The following TRAK1 variants were observed in gnomAD, a reference collection of about 807,000 sequenced individuals.
The protein encoded by TRAK1 is trafficking kinesin protein 1, also known as trafficking kinesin-binding protein 1.
In TRAK1, 33 loss-of-function variants were observed where a neutral mutation model predicts 92.1. That is an observed-to-expected ratio of 0.36 (90% CI 0.27 to 0.48). TRAK1 has a LOEUF of 0.48. Among genes scored for constraint, TRAK1 ranks in the 20% least tolerant of loss-of-function variants. TRAK1 has a pLI of 0.99. For synonymous variants in TRAK1, 521 were observed against 517.3 expected, an observed-to-expected ratio of 1.01 and a Z score of -0.10; for missense variants, 1,123 against 1,257.9, an observed-to-expected ratio of 0.89 and a Z score of 1.62.
At chr3:42,081,692 G>A (rs543156107) in intron 1 of TRAK1, among the ~76,000 whole-genome samples, 3 of 152,276 alleles carry the variant, frequency 2.0e-5, no homozygotes, top group South Asian at 2.1e-4. Flanking sequence ...GGAAATGCTG[G>A]CATATGAATA....
At chr3:42,191,792 C>G (rs1358951816) in intron 7 of TRAK1, among the ~76,000 whole-genome samples, 156 bp downstream of exon 7, 1 of 151,936 alleles carries the variant, frequency 6.6e-6, no homozygotes, top group South Asian at 2.1e-4. Flanking sequence ...GTGTGGCACC[C>G]CCTCTCTATT....
intron 15 of TRAK1, among the ~76,000 whole-genome samples, chr3:42,221,159 T>G (rs535171268): frequency 8.0e-6 from 1 of 124,522 alleles, no homozygotes; most frequent in Non-Finnish European, 1.6e-5. Flanking sequence ...ACAAACAAAA[T>G]GGAAACAAAA....
chr3:42,082,687 A>G (rs1704494838), upstream of TRAK1, among the ~76,000 whole-genome samples: 1 of 152,146 alleles, frequency 6.6e-6, no homozygotes, highest in Non-Finnish European at 1.5e-5. Context: ...CCAAAATCAT[A>G]TTGATTTAAA....
chr3:42,113,887 C>T (rs75563240), intron 1 of TRAK1, among the ~76,000 whole-genome samples: 19,919 of 152,100 alleles, frequency 0.13, 1,623 homozygotes, highest in African/African-American at 0.23. Flanking sequence ...AGTTCAGTGG[C>T]GTTTAGTACA....
chr3:42,016,109 A>G (rs1003339569), intron 1 of TRAK1, among the ~76,000 whole-genome samples: 2 of 152,220 alleles, frequency 1.3e-5, no homozygotes, highest in South Asian at 2.1e-4. Flanking sequence ...ATTCACATTG[A>G]ATGGAGTTCT....
chr3:42,194,671 C>A, intron 9 of TRAK1, 133 bp from the exon 10 acceptor site: 2 of 1,024,364 alleles, frequency 2.0e-6, no homozygotes, highest in African/African-American at 1.6e-5. Context: ...TGGCCACAGG[C>A]GCACAGGGCA....
At chr3:42,020,435 A>G (rs138793328) in intron 1 of TRAK1, among the ~76,000 whole-genome samples, 306 of 152,166 alleles carry the variant, frequency 2.0e-3, no homozygotes, top group Non-Finnish European at 3.3e-3. Context: ...CTTTTGCTCA[A>G]TGTTTTGTCT....
Position 42,200,951 on chromosome 3 carries a change from G to C in TRAK1, c.1324G>C (p.Val442Leu), listed in dbSNP as rs200470888. Reference protein sequence around the residue: ...SAMNSLLSSCVSTPRSSFYGS... With the variant: ...SAMNSLLSSCLSTPRSSFYGS... The stretch of plus-strand genomic sequence containing the variant: ...CATGAACTCCCTCCTGTCCAGCTGC[G>C]TCAGCACCCCCCGGTCCAGCTTCTA... Residue 442 changes from valine to leucine, a missense_variant, in exon 12 of 16, where the codon GTC becomes CTC. Transcript: ENST00000327628. 1 of 1,614,132 alleles carries C rather than the reference G, an allele frequency of 6.2e-7. No homozygotes were observed. The highest frequency in any genetic ancestry group is 8.5e-7 in the Non-Finnish European group (1 of 1,180,024).
rs1471843854 is a variant in TRAK1 at position 42,159,640 on chromosome 3, G to A, written c.287-17174G>A. Among the ~76,000 whole-genome samples, 4 of 152,200 alleles carry A rather than the reference G, an allele frequency of 2.6e-5. No individual in the cohort carries two copies. The East Asian group carries it at 5.8e-4, about 22-fold the overall frequency. ...GGGTAAGAGCAGGATTTTATGAAAT[G>A]TAGATTGATAAAGAGAAAATGGAGG... On this transcript the variant is annotated intron_variant, in intron 2 of 15. Transcript: ENST00000327628.
Position 42,191,581 on chromosome 3 carries a change from C to T in TRAK1, c.714C>T (p.Thr238=). The T allele has an allele frequency of 1.2e-6, 2 of 1,601,680 alleles. No homozygotes were observed. Among genetic ancestry groups the T allele is most frequent in the Non-Finnish European group, 8.5e-7 (1 of 1,174,066 alleles). The change falls in exon 7 of 16, where the codon ACC becomes ACT. Residue 238 remains threonine, a synonymous_variant. Transcript: ENST00000327628. ...AGGCCAGCCAGCTGAAGACAGAGAC[C>T]ATCACCTATGAGGAGAAGGAGCAGC... is the stretch of plus-strand genomic sequence containing the variant. The part of the protein sequence containing the change: ...RSEASQLKTE[T]ITYEEKEQQL...
intron 14 of TRAK1, chr3:42,211,028 G>A (rs1292954210): frequency 2.0e-6 from 2 of 985,360 alleles, no homozygotes; most frequent in East Asian, 1.1e-4. Flanking sequence ...TGTTGGGAAG[G>A]CAAAGCTTTT....
intron 1 of TRAK1, among the ~76,000 whole-genome samples, chr3:42,076,282 A>G (rs1011671961): frequency 1.7e-4 from 20 of 116,746 alleles, no homozygotes; most frequent in African/African-American, 6.0e-4. Flanking sequence ...CTGGAGTGCA[A>G]TGGTGCGATC....
At chr3:42,179,172 T>C (rs1303619704) in intron 3 of TRAK1, among the ~76,000 whole-genome samples, 1 of 152,256 alleles carries the variant, frequency 6.6e-6, no homozygotes, top group Admixed American at 6.5e-5. Context: ...GTCTTTGTGT[T>C]CCATGTCTAA....
chr3:42,142,904 T>A (rs1698848939), intron 2 of TRAK1, among the ~76,000 whole-genome samples: 1 of 152,240 alleles, frequency 6.6e-6, no homozygotes, highest in Non-Finnish European at 1.5e-5. Context: ...CCTTTTAAGA[T>A]GGCTTTTATA....
chr3:42,164,968 T>G (rs992379406), intron 2 of TRAK1, among the ~76,000 whole-genome samples: 1 of 152,232 alleles, frequency 6.6e-6, no homozygotes, highest in African/African-American at 2.4e-5. Flanking sequence ...TTTCCAGTGT[T>G]CTTTTTCTTT....
intron 3 of TRAK1, among the ~76,000 whole-genome samples, chr3:42,177,932 G>A (rs868468971): frequency 3.3e-5 from 5 of 152,292 alleles, no homozygotes; most frequent in Middle Eastern, 3.4e-3. Context: ...GTCAAGGGCG[G>A]TATTTTGGGG....
chr3:42,167,903 A>G (rs927933553), intron 2 of TRAK1, among the ~76,000 whole-genome samples: 2 of 152,146 alleles, frequency 1.3e-5, no homozygotes, highest in African/African-American at 4.8e-5. Flanking sequence ...AACAACAACA[A>G]AAAAACCAAG....
intron 3 of TRAK1, 87 bp downstream of exon 3, chr3:42,176,977 T>C (rs974080504): frequency 1.3e-5 from 16 of 1,238,568 alleles, no homozygotes; most frequent in Non-Finnish European, 1.9e-5. Context: ...ATCACCTGTT[T>C]CAGTGAGGAA....
chr3:42,078,391 A>G (rs1279562660), intron 1 of TRAK1, among the ~76,000 whole-genome samples: 2 of 152,268 alleles, frequency 1.3e-5, no homozygotes, highest in Non-Finnish European at 2.9e-5. Context: ...ATTGTCCTGG[A>G]TGATCTAAGT....
Sources: allele counts gnomAD v4.1 joint callset (sites outside exome capture counted in the v4.1 genomes callset), GRCh38; gene constraint gnomAD v4.1.1; transcripts MANE v1.5; gene names NCBI Gene and HGNC (gene_info 2026-07-23, HGNC 2026-07-21).